Variants in SORT1 observed in about 807,000 individuals in gnomAD.
SORT1 encodes sortilin 1.
A neutral mutation model predicts 101.7 loss-of-function variants in SORT1; 39 were observed. The ratio of observed to expected loss-of-function variants is 0.38; its 90% CI spans 0.30 to 0.50. SORT1 has a LOEUF of 0.50. Among genes scored for constraint, SORT1 ranks in the 20% least tolerant of loss-of-function variants. The pLI is 0.90. For missense variants in SORT1, 878 were observed against 1,040.4 expected (o/e 0.84, Z 2.15); for synonymous variants, 396 against 393.7 (o/e 1.01, Z -0.07).
At chr1:109,389,738 C>T (rs965309595) in intron 1 of SORT1, 4 of 152,346 alleles carry the variant, frequency 2.6e-5, no homozygotes, top group East Asian at 1.9e-4. Flanking sequence ...TTTTTGGAAA[C>T]GTTAGCACTT....
chr1:109,380,813 C>CAT (rs1553200263), intron 1 of SORT1, among the ~76,000 whole-genome samples: 2 of 49,220 alleles, frequency 4.1e-5, no homozygotes, highest in African/African-American at 1.9e-4. Flanking sequence ...CCTGTCGCCA[C>CAT]AAAAAAAAAA....
At chr1:109,356,795 T>C (rs1570945397) in intron 3 of SORT1, among the ~76,000 whole-genome samples, 2 of 152,254 alleles carry the variant, frequency 1.3e-5, no homozygotes, top group African/African-American at 4.8e-5. Flanking sequence ...AATCCATGTT[T>C]AGATTCTGGA....
chr1:109,365,169 A>C (rs1312010269), intron 3 of SORT1, among the ~76,000 whole-genome samples: 1 of 152,218 alleles, frequency 6.6e-6, no homozygotes, highest in East Asian at 1.9e-4. Context: ...GTCCTATAAT[A>C]TGATTATACT....
At chr1:109,317,395 T>C (rs1287367600) in intron 16 of SORT1, among the ~76,000 whole-genome samples, 1 of 152,252 alleles carries the variant, frequency 6.6e-6, no homozygotes, top group Non-Finnish European at 1.5e-5. Context: ...TATGTGTGGC[T>C]AGTGACTATC....
intron 10 of SORT1, among the ~76,000 whole-genome samples, chr1:109,340,143 T>C (rs1414917141): frequency 4.0e-5 from 2 of 49,774 alleles, no homozygotes; most frequent in Admixed American, 4.1e-4. Flanking sequence ...AGCGATTCCA[T>C]CTCAAAAAAA....
intron 11 of SORT1, among the ~76,000 whole-genome samples, chr1:109,334,604 A>G (rs779150167): frequency 2.0e-5 from 3 of 152,216 alleles, no homozygotes; most frequent in Non-Finnish European, 4.4e-5. Flanking sequence ...GGGAAAATAT[A>G]CATGGTGACT....
Position 109,324,936 on chromosome 1 carries a change from G to A in SORT1, c.1797C>T (p.Ser599=). The part of the protein sequence containing the change: ...TESFLTSQWV[S]YTIDFKDILE... ...GGATATCTTTAAAATCAATGGTGTA[G>A]GAGACCCACTGGCTGGTCAGGAAAG... The change falls in exon 14 of 20, where the codon TCC becomes TCT. Residue 599 remains serine, a synonymous_variant. Coordinates refer to ENST00000256637, the MANE Select transcript of SORT1 (RefSeq NM_002959.7). The A allele has an allele frequency of 6.2e-7, 1 of 1,613,474 alleles. No individual in the cohort carries two copies. The highest frequency in any genetic ancestry group is 8.5e-7 in the Non-Finnish European group (1 of 1,179,480).
rs1648141112 is a variant in SORT1 at position 109,327,283 on chromosome 1, G to GA, written c.1475-124dup. On this transcript the variant is annotated intron_variant, in intron 12 of 19. Transcript: ENST00000256637. ...TTTCCCATCAAGCCTCTTTTAGTAG[G>GA]AAAGAAAACCACCAAAAACTTCGGA... 3 of 980,656 alleles carry GA rather than the reference G, an allele frequency of 3.1e-6. No individual in the cohort carries two copies. In the Admixed American group the frequency reaches 8.7e-5, roughly 28 times the overall value. The allele number at this position is 980,656 out of a possible 1,614,324, so 60.7% of individuals were successfully genotyped here.
intron 5 of SORT1, among the ~76,000 whole-genome samples, chr1:109,353,700 G>A (rs900999386): frequency 6.6e-6 from 1 of 152,200 alleles, no homozygotes; most frequent in Non-Finnish European, 1.5e-5. Flanking sequence ...TCTGATGAGA[G>A]AAGGCCATAA....
chr1:109,369,192 G>A (rs1489041543), intron 2 of SORT1, among the ~76,000 whole-genome samples: 1 of 152,048 alleles, frequency 6.6e-6, no homozygotes, highest in Non-Finnish European at 1.5e-5. Flanking sequence ...CATGGTGGTG[G>A]GTGCCTGTAA....
chr1:109,397,489 C>T (rs1571003566), intron 1 of SORT1, 98 bp downstream of exon 1: 1 of 841,288 alleles, frequency 1.2e-6, no homozygotes, highest in Non-Finnish European at 1.5e-6. Context: ...CGCGGCAGGG[C>T]TGGGGTCTCC....
At chr1:109,344,624 TC>T (rs1649459242) in intron 8 of SORT1, among the ~76,000 whole-genome samples, 1 of 152,224 alleles carries the variant, frequency 6.6e-6, no homozygotes, top group Non-Finnish European at 1.5e-5. Context: ...GAGCACTGAC[TC>T]CTGACACTTT....
chr1:109,348,454 T>C (rs916410307), intron 6 of SORT1, among the ~76,000 whole-genome samples: 1 of 152,156 alleles, frequency 6.6e-6, no homozygotes, highest in Non-Finnish European at 1.5e-5. Flanking sequence ...AACAAAATCC[T>C]ATTTTAAAAT....
At chr1:109,373,625 G>A (rs1651632182) in intron 1 of SORT1, among the ~76,000 whole-genome samples, 1 of 152,126 alleles carries the variant, frequency 6.6e-6, no homozygotes, top group Non-Finnish European at 1.5e-5. Flanking sequence ...AATAACCCCA[G>A]ACTTAACGCT....
At chr1:109,359,022 G>C (rs1650530501) in intron 3 of SORT1, among the ~76,000 whole-genome samples, 1 of 152,086 alleles carries the variant, frequency 6.6e-6, no homozygotes, top group Non-Finnish European at 1.5e-5. Context: ...AAATATATTT[G>C]GAATAGAGCT....
intron 11 of SORT1, among the ~76,000 whole-genome samples, chr1:109,328,949 G>T (rs564157084): frequency 6.6e-6 from 1 of 152,128 alleles, no homozygotes; most frequent in Non-Finnish European, 1.5e-5. Context: ...TCTACTTACC[G>T]GGCTCCAGGT....
chr1:109,384,966 T>A (rs1228081311), intron 1 of SORT1, among the ~76,000 whole-genome samples: 2 of 152,026 alleles, frequency 1.3e-5, no homozygotes, highest in African/African-American at 2.4e-5. Context: ...TAATCCCAGC[T>A]ACTTGGGAGG....
intron 11 of SORT1, among the ~76,000 whole-genome samples, chr1:109,330,256 G>A (rs1648372679): frequency 6.6e-6 from 1 of 152,108 alleles, no homozygotes. Flanking sequence ...GCCTCCCAAA[G>A]TGCAAGGATT....
chr1:109,322,832 A>C, intron 15 of SORT1, 100 bp downstream of exon 15: 1 of 968,754 alleles, frequency 1.0e-6, no homozygotes, highest in Non-Finnish European at 1.5e-6. Context: ...GAGCCACCGC[A>C]CCCGGCTGGA....
Sources: allele counts gnomAD v4.1 joint callset (sites outside exome capture counted in the v4.1 genomes callset), GRCh38; gene constraint gnomAD v4.1.1; transcripts MANE v1.5; gene names NCBI Gene and HGNC (gene_info 2026-07-23, HGNC 2026-07-21).